TMEM50A: variants seen among roughly 807,000 people sequenced by gnomAD.
TMEM50A encodes transmembrane protein 50A, also known as cervical cancer oncogene 9.
In TMEM50A, 8 loss-of-function variants were observed where a neutral mutation model predicts 23.9. That is an observed-to-expected ratio of 0.33 (90% confidence interval 0.20 to 0.60). The LOEUF (loss-of-function observed/expected upper bound fraction) is 0.60. Ranked by LOEUF, TMEM50A falls within the 20% of genes least tolerant of loss-of-function variation. The probability of loss-of-function intolerance (pLI) is 0.81; values close to 1 mark genes in which losing one functional copy is unlikely to be tolerated. For missense variants in TMEM50A, 178 were observed against 192.7 expected (o/e 0.92, Z 0.45); for synonymous variants, 55 against 60.4 (o/e 0.91, Z 0.41).
chr1:25,357,499 C>T (rs1645344466), intron 6 of TMEM50A, among the ~76,000 whole-genome samples: 2 of 151,830 alleles, frequency 1.3e-5, no homozygotes, highest in African/African-American at 4.8e-5. Context: ...AACAAAACAG[C>T]TCAACAGCTC....
chr1:25,357,039 TAGG>T (rs1427276518), intron 6 of TMEM50A, among the ~76,000 whole-genome samples, 186 bp downstream of exon 6: 1 of 152,186 alleles, frequency 6.6e-6, no homozygotes, highest in African/African-American at 2.4e-5. Flanking sequence ...CTGCCAACCT[TAGG>T]AGCATATATT....
intron 5 of TMEM50A, among the ~76,000 whole-genome samples, chr1:25,355,662 T>A (rs1645326085): frequency 6.6e-6 from 1 of 152,250 alleles, no homozygotes; most frequent in Non-Finnish European, 1.5e-5. Context: ...AACCATCTGT[T>A]ATGTTAATCA....
At chr1:25,341,268 T>G (rs3093575) in intron 2 of TMEM50A, among the ~76,000 whole-genome samples, 11,959 of 151,772 alleles carry the variant, frequency 0.079, 1,483 homozygotes, top group African/African-American at 0.27. Flanking sequence ...TTTTTTTTGG[T>G]TTTTTTTGAG....
rs1294158466 is a variant in TMEM50A, at chr1:25,338,421, A to G, written c.-49A>G. ...GTGAGGCGGGCCGGCGCGGCGCGACACCGGGCTCCGGAACCACTGCACGAC... is the reference window on the plus strand; with the variant it reads ...GTGAGGCGGGCCGGCGCGGCGCGACGCCGGGCTCCGGAACCACTGCACGAC... On this transcript the variant is annotated 5_prime_UTR_variant, in exon 1 of 7. Transcript: ENST00000374358. 2.0e-5 allele frequency: 3 copies of G among 153,590 alleles called. No individual in the cohort carries two copies. The highest frequency in any genetic ancestry group is 7.2e-5 in the African/African-American group (3 of 41,460). The allele number at this position is 153,590 out of a possible 1,614,324, so 9.5% of individuals were successfully genotyped here.
intron 2 of TMEM50A, among the ~76,000 whole-genome samples, chr1:25,341,267 G>GT (rs1474927484): frequency 2.0e-5 from 3 of 150,960 alleles, no homozygotes; most frequent in African/African-American, 4.9e-5. Context: ...GTTTTTTTTG[G>GT]TTTTTTTTGA....
intron 3 of TMEM50A, among the ~76,000 whole-genome samples, chr1:25,347,610 A>G (rs1645231947): frequency 6.6e-6 from 1 of 152,196 alleles, no homozygotes; most frequent in South Asian, 2.1e-4. Flanking sequence ...TGAAAATTAC[A>G]CACATTTTTA....
intron 5 of TMEM50A, among the ~76,000 whole-genome samples, chr1:25,355,961 G>A (rs926660787): frequency 6.6e-6 from 1 of 152,180 alleles, no homozygotes; most frequent in Admixed American, 6.5e-5. Flanking sequence ...TCTATCTGCA[G>A]ATCATGTTGA....
intron 6 of TMEM50A, among the ~76,000 whole-genome samples, chr1:25,357,245 A>G (rs1168864946): frequency 6.6e-6 from 1 of 152,208 alleles, no homozygotes; most frequent in Non-Finnish European, 1.5e-5. Context: ...TCTGTCCTTG[A>G]TATCGTAGAG....
intron 3 of TMEM50A, among the ~76,000 whole-genome samples, chr1:25,346,234 C>T (rs977909032): frequency 6.6e-6 from 1 of 152,026 alleles, no homozygotes; most frequent in Non-Finnish European, 1.5e-5. Flanking sequence ...GATCAACTCT[C>T]TCTGTGGGCC....
chr1:25,341,257 G>T (rs897060764), intron 2 of TMEM50A, among the ~76,000 whole-genome samples: 15 of 151,096 alleles, frequency 9.9e-5, no homozygotes, highest in Non-Finnish European at 2.1e-4. Flanking sequence ...TGTTGTTTTT[G>T]TTTTTTTTGG....
chr1:25,355,362 A>G (rs1282544664), intron 5 of TMEM50A, among the ~76,000 whole-genome samples: 1 of 152,164 alleles, frequency 6.6e-6, no homozygotes, highest in Non-Finnish European at 1.5e-5. Flanking sequence ...GGAATTGCAT[A>G]ATGCTTATTC....
At chr1:25,344,663 A>G (rs1020943412) in intron 3 of TMEM50A, among the ~76,000 whole-genome samples, 2 of 150,974 alleles carry the variant, frequency 1.3e-5, no homozygotes, top group African/African-American at 4.9e-5. Flanking sequence ...TATAGGTGTG[A>G]GCCACTGTGC....
intron 5 of TMEM50A, 105 bp from the exon 6 acceptor site, chr1:25,356,687 TA>T: frequency 1.2e-6 from 1 of 831,348 alleles, no homozygotes; most frequent in Non-Finnish European, 1.9e-6. Flanking sequence ...ACCCTAATTC[TA>T]AGAAAAATCA....
chr1:25,358,973 T>C (rs1345010412), intron 6 of TMEM50A, among the ~76,000 whole-genome samples: 1 of 152,234 alleles, frequency 6.6e-6, no homozygotes, highest in Non-Finnish European at 1.5e-5. Context: ...CAGGCTGGTC[T>C]CAAACTCCTG....
chr1:25,345,334 A>C (rs1460070414), intron 3 of TMEM50A, among the ~76,000 whole-genome samples: 2 of 152,194 alleles, frequency 1.3e-5, no homozygotes, highest in Non-Finnish European at 2.9e-5. Context: ...TAATCCCAGC[A>C]CTTTGGGAGG....
chr1:25,360,563 A>G (rs1040120788), intron 6 of TMEM50A, 97 bp from the exon 7 acceptor site: 24 of 1,372,474 alleles, frequency 1.7e-5, no homozygotes, highest in African/African-American at 8.6e-5. Context: ...CAACTCATCA[A>G]TTATTCTTCG....
At chr1:25,347,953 T>C (rs1290157227) in intron 3 of TMEM50A, among the ~76,000 whole-genome samples, 1 of 152,256 alleles carries the variant, frequency 6.6e-6, no homozygotes, top group Non-Finnish European at 1.5e-5. Context: ...ATTTTTGTGA[T>C]TGTATTTTTG....
intron 2 of TMEM50A, among the ~76,000 whole-genome samples, chr1:25,341,845 C>T (rs952189051): frequency 2.0e-5 from 3 of 150,038 alleles, no homozygotes; most frequent in African/African-American, 7.4e-5. Context: ...CGGATGAAGG[C>T]CACCACACCG....
At chr1:25,356,985 A>T in intron 6 of TMEM50A, 132 bp downstream of exon 6, 1 of 641,564 alleles carries the variant, frequency 1.6e-6, no homozygotes, top group South Asian at 2.3e-5. Flanking sequence ...TAAAACATGG[A>T]GAGTAAGGTT....
Sources: allele counts gnomAD v4.1 joint callset (sites outside exome capture counted in the v4.1 genomes callset), GRCh38; gene constraint gnomAD v4.1.1; transcripts MANE v1.5; gene names NCBI Gene and HGNC (gene_info 2026-07-23, HGNC 2026-07-21).